Variants in ACTR3C observed in about 807,000 individuals in gnomAD.
ACTR3C encodes actin related protein 3C.
Under a neutral mutation model 26.3 loss-of-function variants are expected in ACTR3C, and 18 were observed. That is an observed-to-expected ratio of 0.68 (90% CI 0.47 to 1.01). ACTR3C has a LOEUF of 1.01. Ranked by LOEUF, ACTR3C falls within the 50% of genes least tolerant of loss-of-function variation. The probability of loss-of-function intolerance (pLI) is 0.00; values close to 1 mark genes in which losing one functional copy is unlikely to be tolerated. For synonymous variants in ACTR3C, 55 were observed against 94.5 expected (o/e 0.58, Z 2.42); for missense variants, 184 against 250.7 (o/e 0.73, Z 1.80).
chr7:150,039,352 G>C, the ACTR3C span, among the ~76,000 whole-genome samples: 1 of 145,946 alleles, frequency 6.9e-6, no homozygotes, highest in Non-Finnish European at 1.5e-5. Context: ...CACCCTCGTG[G>C]GGTTGCCTCC....
chr7:149,961,920 C>T, the ACTR3C span, among the ~76,000 whole-genome samples: 119 of 151,946 alleles, frequency 7.8e-4, no homozygotes, highest in African/African-American at 2.8e-3. Flanking sequence ...GAAGTATACA[C>T]TCACTGGAAG....
At chr7:150,142,821 G>A in the ACTR3C span, among the ~76,000 whole-genome samples, 2 of 149,538 alleles carry the variant, frequency 1.3e-5, no homozygotes, top group South Asian at 2.1e-4. Flanking sequence ...GAGCCACTAC[G>A]CCTGGCTTTT....
At chr7:150,033,607 C>T in the ACTR3C span, among the ~76,000 whole-genome samples, 3 of 151,318 alleles carry the variant, frequency 2.0e-5, no homozygotes, top group Admixed American at 1.3e-4. Context: ...AGGTGCCTCC[C>T]CCCGCTGCAA....
At chr7:150,160,129 A>G in the ACTR3C span, among the ~76,000 whole-genome samples, 2 of 152,080 alleles carry the variant, frequency 1.3e-5, no homozygotes, top group Non-Finnish European at 2.9e-5. Flanking sequence ...CTAATCTCTA[A>G]CAGAATTTTC....
chr7:150,034,033 G>T, the ACTR3C span, among the ~76,000 whole-genome samples: 1 of 151,356 alleles, frequency 6.6e-6, no homozygotes, highest in Non-Finnish European at 1.5e-5. Flanking sequence ...CCAAGAGCCA[G>T]GGGGGGAAGA....
At chr7:150,199,615 T>TA in the ACTR3C span, among the ~76,000 whole-genome samples, 7 of 97,868 alleles carry the variant, frequency 7.2e-5, no homozygotes, top group Non-Finnish European at 1.1e-4. Flanking sequence ...AAAAATAAAT[T>TA]TAAAAAAAAA....
chr7:149,940,135 C>T, the ACTR3C span, among the ~76,000 whole-genome samples: 42 of 151,278 alleles, frequency 2.8e-4, no homozygotes, highest in African/African-American at 9.7e-4. Context: ...GGTTATCTAT[C>T]TACCTACCTA....
chr7:150,266,967 C>A (rs10259249), intron 6 of ACTR3C, among the ~76,000 whole-genome samples: 19,005 of 152,198 alleles, frequency 0.12, 2,018 homozygotes, highest in African/African-American at 0.27. Flanking sequence ...CCATACAACA[C>A]AGCAACTGCA....
the ACTR3C span, among the ~76,000 whole-genome samples, chr7:150,115,851 GA>G: frequency 6.5e-3 from 993 of 152,322 alleles, 12 homozygotes; most frequent in African/African-American, 0.023. Flanking sequence ...CTTGGGGAAT[GA>G]AGACACATTG....
At chr7:150,253,921 TC>T (rs58845886) in intron 6 of ACTR3C, among the ~76,000 whole-genome samples, 7,313 of 149,632 alleles carry the variant, frequency 0.049, 570 homozygotes, top group African/African-American at 0.17. Context: ...TTTTTTTTTT[TC>T]CCCCAGCATT....
chr7:150,298,740 TAA>T (rs1795154932), intron 1 of ACTR3C, among the ~76,000 whole-genome samples: 1 of 147,002 alleles, frequency 6.8e-6, no homozygotes. Context: ...ATTCTGAGGT[TAA>T]GAGACCCAAC....
the ACTR3C span, among the ~76,000 whole-genome samples, chr7:150,145,291 C>T: frequency 6.6e-6 from 1 of 152,204 alleles, no homozygotes; most frequent in Non-Finnish European, 1.5e-5. Context: ...GAGAGGCTTG[C>T]GCTGTAGGTC....
chr7:150,082,935 T>TTTTCTTTTTTTC, the ACTR3C span, among the ~76,000 whole-genome samples: 2 of 122,766 alleles, frequency 1.6e-5, no homozygotes, highest in Admixed American at 8.5e-5. Flanking sequence ...CTTTTTTTTC[T>TTTTCTTTTTTTC]TTTTTTTTTT....
the ACTR3C span, among the ~76,000 whole-genome samples, chr7:150,179,540 C>A: frequency 6.7e-6 from 1 of 149,040 alleles, no homozygotes; most frequent in African/African-American, 2.6e-5. Context: ...AGGTTCTCAC[C>A]GAGACTGAAG....
the ACTR3C span, among the ~76,000 whole-genome samples, chr7:150,034,989 C>CA: frequency 6.8e-6 from 1 of 146,000 alleles, no homozygotes; most frequent in Admixed American, 6.8e-5. Context: ...GGGTGCCTCC[C>CA]CCTCCTGTGA....
chr7:150,194,051 A>G, the ACTR3C span, among the ~76,000 whole-genome samples: 1 of 149,620 alleles, frequency 6.7e-6, no homozygotes, highest in South Asian at 2.1e-4. Context: ...GTCTGTAACC[A>G]CAATTGAGGA....
the ACTR3C span, among the ~76,000 whole-genome samples, chr7:149,917,338 G>T: frequency 6.6e-6 from 1 of 152,140 alleles, no homozygotes; most frequent in Non-Finnish European, 1.5e-5. Context: ...GCCTCCCAAA[G>T]TGCTGGGATT....
At chr7:150,001,488 T>C in the ACTR3C span, 1 of 152,368 alleles carries the variant, frequency 6.6e-6, no homozygotes, top group Admixed American at 6.5e-5. Context: ...CTCAGAGAGC[T>C]AAGGCATATC....
intron 5 of ACTR3C, among the ~76,000 whole-genome samples, chr7:150,285,635 T>G (rs1835718585): frequency 6.6e-6 from 1 of 152,236 alleles, no homozygotes; most frequent in Non-Finnish European, 1.5e-5. Flanking sequence ...GAGGAACACA[T>G]TCTATGCTAT....
Sources: gnomAD v4.1 joint callset for allele counts (sites outside exome capture counted in the v4.1 genomes callset) on GRCh38, gnomAD v4.1.1 for gene constraint, MANE v1.5 for transcripts, NCBI Gene and HGNC (gene_info 2026-07-23, HGNC 2026-07-21) for gene names.